The following ANGPT1 variants were observed in gnomAD, a reference collection of about 807,000 sequenced individuals.
The protein encoded by ANGPT1 is angiopoietin-1.
In ANGPT1, 17 loss-of-function variants were observed where a neutral mutation model predicts 62.2. That is an observed-to-expected ratio of 0.27 (90% CI 0.19 to 0.41). The LOEUF (loss-of-function observed/expected upper bound fraction) is 0.41. Among genes scored for constraint, ANGPT1 ranks in the 10% least tolerant of loss-of-function variants. The probability of loss-of-function intolerance (pLI) is 1.00; values close to 1 mark genes in which losing one functional copy is unlikely to be tolerated. For synonymous variants in ANGPT1, 199 were observed against 198.9 expected (o/e 1.00, Z 0.00); for missense variants, 478 against 594.9 (o/e 0.80, Z 2.04).
chr8:107,272,739 T>C (rs967101829), intron 7 of ANGPT1, among the ~76,000 whole-genome samples: 8 of 139,246 alleles, frequency 5.7e-5, no homozygotes, highest in Non-Finnish European at 7.4e-5. Context: ...TATACATATA[T>C]AATATATATT....
intron 1 of ANGPT1, among the ~76,000 whole-genome samples, chr8:107,486,428 G>A (rs1812816811): frequency 6.6e-6 from 1 of 152,040 alleles, no homozygotes; most frequent in Non-Finnish European, 1.5e-5. Context: ...ACCTCACATT[G>A]GCTTTTGAGG....
chr8:107,278,078 CTTT>C (rs780803754), intron 7 of ANGPT1, among the ~76,000 whole-genome samples: 1 of 140,438 alleles, frequency 7.1e-6, no homozygotes. Context: ...CTTTTCTTTT[CTTT>C]TTTTTTTTTT....
At chr8:107,299,834 T>C (rs189999614) in intron 5 of ANGPT1, among the ~76,000 whole-genome samples, 1,277 of 64,610 alleles carry the variant, frequency 0.02, 25 homozygotes, top group African/African-American at 0.035. Context: ...TATGTAGTTA[T>C]ATCTAGATAT....
chr8:107,403,837 G>GA (rs1486903890), intron 1 of ANGPT1, among the ~76,000 whole-genome samples: 2 of 151,966 alleles, frequency 1.3e-5, no homozygotes, highest in African/African-American at 4.8e-5. Context: ...GTTGAGTAGT[G>GA]AAAAAATGAA....
chr8:107,257,747 G>A (rs1813390747), intron 8 of ANGPT1, among the ~76,000 whole-genome samples: 1 of 152,032 alleles, frequency 6.6e-6, no homozygotes, highest in Non-Finnish European at 1.5e-5. Context: ...GACAAAGTTG[G>A]CCCTACGCAA....
intron 1 of ANGPT1, among the ~76,000 whole-genome samples, chr8:107,409,848 C>A (rs1454830430): frequency 6.6e-6 from 1 of 151,848 alleles, no homozygotes; most frequent in African/African-American, 2.4e-5. Flanking sequence ...GACAGTGGGC[C>A]TCATGAAAAG....
At chr8:107,399,954 G>T (rs1157670837) in intron 1 of ANGPT1, among the ~76,000 whole-genome samples, 2 of 152,112 alleles carry the variant, frequency 1.3e-5, no homozygotes, top group African/African-American at 4.8e-5. Flanking sequence ...ATAAATTAGA[G>T]CGCTAGGTTT....
chr8:107,405,090 T>A (rs1160131369), intron 1 of ANGPT1, among the ~76,000 whole-genome samples: 1 of 151,972 alleles, frequency 6.6e-6, no homozygotes, highest in Non-Finnish European at 1.5e-5. Flanking sequence ...GTAAATTTTT[T>A]AAATGCCAGT....
chr8:107,462,926 G>C (rs1325454683), intron 1 of ANGPT1, among the ~76,000 whole-genome samples: 1 of 152,016 alleles, frequency 6.6e-6, no homozygotes, highest in Non-Finnish European at 1.5e-5. Context: ...ATAAAAGAAA[G>C]TTGACATTTC....
chr8:107,274,987 C>G (rs761094590), intron 7 of ANGPT1, among the ~76,000 whole-genome samples: 2 of 151,936 alleles, frequency 1.3e-5, no homozygotes, highest in South Asian at 4.2e-4. Flanking sequence ...ATGGAAGGGG[C>G]TCCTAACCCA....
intron 1 of ANGPT1, among the ~76,000 whole-genome samples, chr8:107,362,030 G>C (rs773980558): frequency 6.6e-4 from 101 of 152,254 alleles, no homozygotes; most frequent in Non-Finnish European, 1.1e-3. Flanking sequence ...ACTCTGGCCT[G>C]GATGTCAAGA....
chr8:107,380,359 TTGTGTGTGTG>T (rs71308731), intron 1 of ANGPT1, among the ~76,000 whole-genome samples: 36,275 of 148,704 alleles, frequency 0.24, 5,115 homozygotes, highest in East Asian at 0.32. Context: ...TGCAGGATGT[TTGTGTGTGTG>T]TGTGTGTGTG....
At chr8:107,467,252 C>T (rs1343603730) in intron 1 of ANGPT1, among the ~76,000 whole-genome samples, 1 of 151,824 alleles carries the variant, frequency 6.6e-6, no homozygotes, top group Non-Finnish European at 1.5e-5. Context: ...CACATGACCT[C>T]ATAAATAGTT....
At chr8:107,430,063 T>C (rs1278624025) in intron 1 of ANGPT1, among the ~76,000 whole-genome samples, 1 of 152,202 alleles carries the variant, frequency 6.6e-6, no homozygotes, top group African/African-American at 2.4e-5. Flanking sequence ...ATCTTACTTC[T>C]GAAACGTACT....
At chr8:107,443,563 C>A (rs936388063) in intron 1 of ANGPT1, among the ~76,000 whole-genome samples, 1 of 151,584 alleles carries the variant, frequency 6.6e-6, no homozygotes, top group Admixed American at 6.6e-5. Context: ...AATCCCAGCA[C>A]TTTGGGAGGC....
chr8:107,391,386 G>T (rs1816832128), intron 1 of ANGPT1, among the ~76,000 whole-genome samples: 1 of 152,146 alleles, frequency 6.6e-6, no homozygotes, highest in African/African-American at 2.4e-5. Flanking sequence ...CATGTGTTGG[G>T]CCAGGAGCAG....
At position 107,378,273 on chromosome 8, in the gene ANGPT1, A is replaced by T. The variant is rs114093167; in HGVS notation, c.298-31176T>A. ...TAGGAACCATATATTTTAATCTGCA[A>T]CTGCCTCTGAAAATGTCTATTCACA... On this transcript the variant is annotated intron_variant, in intron 1 of 8. Transcript: ENST00000517746. 3.7e-3 allele frequency among the ~76,000 whole-genome samples: 570 copies of T among 152,262 alleles called. 5 individuals are homozygous for T. Among genetic ancestry groups the T allele is most frequent in the African/African-American group, 0.013 (549 of 41,572 alleles).
intron 7 of ANGPT1, among the ~76,000 whole-genome samples, chr8:107,270,171 A>G (rs1231340872): frequency 6.6e-6 from 1 of 151,828 alleles, no homozygotes; most frequent in Non-Finnish European, 1.5e-5. Context: ...TACTTAAGAG[A>G]CTCACTCTCT....
chr8:107,345,729 CA>C (rs1433142410), intron 2 of ANGPT1, among the ~76,000 whole-genome samples: 4 of 152,092 alleles, frequency 2.6e-5, no homozygotes, highest in African/African-American at 9.7e-5. Context: ...CTTACTGTGA[CA>C]ATGAATGATT....
Sources: gnomAD v4.1 joint callset for allele counts (sites outside exome capture counted in the v4.1 genomes callset) on GRCh38, gnomAD v4.1.1 for gene constraint, MANE v1.5 for transcripts, NCBI Gene and HGNC (gene_info 2026-07-23, HGNC 2026-07-21) for gene names.